The following SHTN1 variants were observed in gnomAD, a reference collection of about 807,000 sequenced individuals.
SHTN1 encodes the protein shootin 1, also known as shootin-1.
SHTN1 carries 42 observed loss-of-function variants against 83.1 expected under a neutral mutation model. The ratio of observed to expected loss-of-function variants is 0.51; its 90% confidence interval spans 0.39 to 0.65. The LOEUF (loss-of-function observed/expected upper bound fraction) is 0.65, where lower values mean the gene tolerates loss of function less well. Among genes scored for constraint, SHTN1 ranks in the 30% least tolerant of loss-of-function variants. The probability of loss-of-function intolerance (pLI) is 0.00; values close to 1 mark genes in which losing one functional copy is unlikely to be tolerated. For missense variants in SHTN1, 622 were observed against 737.8 expected (o/e 0.84, Z 1.82); for synonymous variants, 224 against 247.7 (o/e 0.90, Z 0.90).
At chr10:116,987,541 A>T (rs1037817023) in intron 1 of SHTN1, among the ~76,000 whole-genome samples, 3 of 151,988 alleles carry the variant, frequency 2.0e-5, no homozygotes, top group African/African-American at 7.2e-5. Flanking sequence ...AGCTAAGTGA[A>T]AAGTCAATCT....
At chr10:116,900,571 TAC>T (rs530138594) in intron 16 of SHTN1, 5 of 1,534,524 alleles carry the variant, frequency 3.3e-6, no homozygotes, top group East Asian at 2.4e-5. Flanking sequence ...GAAAAATCTA[TAC>T]ACACACACTG....
chr10:116,951,105 G>A (rs1849760626), intron 6 of SHTN1, among the ~76,000 whole-genome samples: 1 of 152,176 alleles, frequency 6.6e-6, no homozygotes, highest in African/African-American at 2.4e-5. Context: ...GCAATTGTGA[G>A]GGTCTTGTTC....
chr10:116,981,210 T>G (rs2133485063), intron 1 of SHTN1, among the ~76,000 whole-genome samples: 1 of 152,140 alleles, frequency 6.6e-6, no homozygotes, highest in Non-Finnish European at 1.5e-5. Flanking sequence ...TCCCAGATAC[T>G]TGGGAGGCTG....
intron 2 of SHTN1, among the ~76,000 whole-genome samples, chr10:117,013,392 T>G (rs1852136576): frequency 6.6e-6 from 1 of 152,162 alleles, no homozygotes; most frequent in Admixed American, 6.5e-5. Flanking sequence ...CAGGCTGATC[T>G]CAAACTCTTG....
chr10:117,014,925 C>G (rs1001784185), intron 2 of SHTN1, among the ~76,000 whole-genome samples: 1 of 152,214 alleles, frequency 6.6e-6, no homozygotes, highest in African/African-American at 2.4e-5. Context: ...ATAAAGGCTA[C>G]AGCTTTTGAG....
intron 2 of SHTN1, among the ~76,000 whole-genome samples, chr10:117,037,886 T>C (rs1852522517): frequency 7.4e-6 from 1 of 134,708 alleles, no homozygotes; most frequent in Admixed American, 7.9e-5. Context: ...CATGCTTATA[T>C]TCCCAGGTAC....
chr10:117,118,110 G>A (rs983613305), intron 1 of SHTN1, among the ~76,000 whole-genome samples: 1 of 152,124 alleles, frequency 6.6e-6, no homozygotes, highest in Admixed American at 6.5e-5. Context: ...ACAACCCACA[G>A]AATGGGGGGA....
intron 1 of SHTN1, among the ~76,000 whole-genome samples, chr10:117,065,831 A>AGGAT (rs1554935551): frequency 2.9e-4 from 25 of 86,282 alleles, no homozygotes; most frequent in African/African-American, 1.1e-3. Flanking sequence ...GAAGGAAGGA[A>AGGAT]GGAAGGAAGG....
At chr10:116,974,146 C>T in intron 2 of SHTN1, 1 of 1,047,548 alleles carries the variant, frequency 9.5e-7, no homozygotes, top group South Asian at 3.2e-5. Flanking sequence ...TTGCAGCATT[C>T]TCCAAATTCT....
At chr10:117,010,811 T>C (rs934599378) in intron 2 of SHTN1, among the ~76,000 whole-genome samples, 4 of 152,108 alleles carry the variant, frequency 2.6e-5, no homozygotes, top group African/African-American at 9.7e-5. Context: ...GTCACATTAA[T>C]AGGAAAAAAA....
chr10:117,000,133 C>A (rs568047412), intron 1 of SHTN1, among the ~76,000 whole-genome samples: 225 of 152,194 alleles, frequency 1.5e-3, no homozygotes, highest in Non-Finnish European at 2.2e-3. Flanking sequence ...TTGAAAAATA[C>A]TGATGTAAAA....
chr10:116,923,535 C>T (rs922173286), intron 11 of SHTN1, among the ~76,000 whole-genome samples: 3 of 151,566 alleles, frequency 2.0e-5, no homozygotes, highest in Non-Finnish European at 4.4e-5. Flanking sequence ...CAGAAGATAT[C>T]ATCACCCAAT....
intron 1 of SHTN1, among the ~76,000 whole-genome samples, chr10:117,115,393 A>T (rs2133642141): frequency 6.6e-6 from 1 of 152,330 alleles, no homozygotes; most frequent in East Asian, 1.9e-4. Flanking sequence ...TAAAGAAAAA[A>T]AAAGGTAATG....
At chr10:117,037,960 A>G (rs7902502) in intron 2 of SHTN1, among the ~76,000 whole-genome samples, 126,278 of 142,202 alleles carry the variant, frequency 0.89, 57,347 homozygotes, top group Non-Finnish European at 0.98. Flanking sequence ...AGCCGAGATC[A>G]TGCCACTGCA....
At chr10:117,010,908 T>C (rs956067977) in intron 2 of SHTN1, among the ~76,000 whole-genome samples, 1 of 152,140 alleles carries the variant, frequency 6.6e-6, no homozygotes, top group Non-Finnish European at 1.5e-5. Flanking sequence ...AAACCAGTAA[T>C]AGATGGAACA....
intron 2 of SHTN1, among the ~76,000 whole-genome samples, chr10:117,011,270 G>C (rs1196205578): frequency 6.6e-6 from 1 of 152,122 alleles, no homozygotes; most frequent in Non-Finnish European, 1.5e-5. Context: ...GTTAATTTTT[G>C]TTAGGCCTTT....
intron 1 of SHTN1, among the ~76,000 whole-genome samples, chr10:117,094,021 A>T (rs1853471411): frequency 6.6e-6 from 1 of 152,174 alleles, no homozygotes; most frequent in Non-Finnish European, 1.5e-5. Flanking sequence ...TTTTAACTCA[A>T]TGTGGAACTC....
intron 14 of SHTN1, chr10:116,911,531 G>C (rs1400631148): frequency 6.4e-7 from 1 of 1,550,542 alleles, no homozygotes. Context: ...TGCCAGGATT[G>C]GAGGGCAAGA....
chr10:117,066,847 G>C (rs905861330), intron 1 of SHTN1, among the ~76,000 whole-genome samples: 1 of 152,184 alleles, frequency 6.6e-6, no homozygotes, highest in Non-Finnish European at 1.5e-5. Flanking sequence ...ATGACCAGAA[G>C]GCAGCAAATA....
Sources: gnomAD v4.1 joint callset for allele counts (sites outside exome capture counted in the v4.1 genomes callset) on GRCh38, gnomAD v4.1.1 for gene constraint, MANE v1.5 for transcripts, NCBI Gene and HGNC (gene_info 2026-07-23, HGNC 2026-07-21) for gene names.